The following F5 variants were observed in gnomAD, a reference collection of about 807,000 sequenced individuals.
The protein encoded by F5 is coagulation factor V.
A neutral mutation model predicts 216.4 loss-of-function variants in F5; 138 were observed. The observed-to-expected ratio is 0.64, with a 90% CI of 0.56 to 0.73. F5 has a LOEUF of 0.73. Among genes scored for constraint, F5 ranks in the 30% least tolerant of loss-of-function variants. The pLI is 0.00. For missense variants in F5, 2,403 were observed against 2,674.0 expected (o/e 0.90, Z 2.24); for synonymous variants, 916 against 930.7 (o/e 0.98, Z 0.29).
At position 169,556,596 on chromosome 1, in the gene F5, G is replaced by C; in HGVS notation, c.952+50C>G. ...GGAGAAAGAGGGAGTTAGTGCATGG[G>C]AAGAAAGGATTCTGCATTGAGAAGC... On this transcript the variant is annotated intron_variant, in intron 6 of 24. Transcript: ENST00000367797. 3 of 1,580,464 alleles carry C rather than the reference G, an allele frequency of 1.9e-6. No homozygotes were observed. The South Asian group carries it at 3.3e-5, about 18-fold the overall frequency.
intron 17 of F5, among the ~76,000 whole-genome samples, chr1:169,527,249 C>T (rs1227401881): frequency 6.6e-6 from 1 of 152,190 alleles, no homozygotes; most frequent in African/African-American, 2.4e-5. Flanking sequence ...TCTGCCTTCA[C>T]ATCTGCATTT....
At chr1:169,543,160 A>G (rs1250536523) in intron 12 of F5, 46 bp from the exon 13 acceptor site, 1 of 1,558,156 alleles carries the variant, frequency 6.4e-7, no homozygotes, top group South Asian at 1.1e-5. Flanking sequence ...AGTCTGGGAA[A>G]AGACATGAAA....
rs139307328 is a variant in F5 at position 169,540,581 on chromosome 1, T to A, written c.4509A>T (p.Leu1503=). The part of the protein sequence containing the change: ...PSSPTLNDTF[L]SKEFNPLVIV... ...TAACCAGTGGATTAAATTCCTTTGA[T>A]AGAAAAGTATCATTGAGAGTAGGAG... Residue 1503 remains leucine, a synonymous_variant, in exon 13 of 25, where the codon CTA becomes CTT. Coordinates refer to ENST00000367797, the MANE Select transcript of F5 (RefSeq NM_000130.5). The A allele has an allele frequency of 6.2e-7, 1 of 1,614,008 alleles. No homozygotes were observed. Among genetic ancestry groups the A allele is most frequent in the South Asian group, 1.1e-5 (1 of 91,074 alleles).
At chr1:169,516,713 A>C (rs890007469) in intron 23 of F5, among the ~76,000 whole-genome samples, 8 of 152,206 alleles carry the variant, frequency 5.3e-5, no homozygotes, top group Admixed American at 5.2e-4. Context: ...TTAGTTATGG[A>C]GAGAACAGCA....
rs768627413 is a variant in F5 at position 169,550,667 on chromosome 1, C to G, written c.1369G>C (p.Asp457His). 31 of 1,614,040 alleles carry G rather than the reference C, an allele frequency of 1.9e-5. No individual in the cohort carries two copies. The highest frequency in any genetic ancestry group is 2.5e-5 in the Non-Finnish European group (30 of 1,179,942). Residue 457 changes from aspartate to histidine, a missense_variant, in exon 9 of 25, where the codon GAT becomes CAT. Asp to His is a moderately conservative substitution (Grantham distance 81). Coordinates refer to ENST00000367797, the MANE Select transcript of F5 (RefSeq NM_000130.5). ...GAGGTGAAAGAAGAGTTGACTTCAT[C>G]TTCATAAGGCGAGAAGGTCACTCCA... ...PHGVTFSPYE[D>H]EVNSSFTSGR...
At chr1:169,583,287 G>T (rs1661028276) in intron 1 of F5, among the ~76,000 whole-genome samples, 1 of 152,216 alleles carries the variant, frequency 6.6e-6, no homozygotes, top group Non-Finnish European at 1.5e-5. Flanking sequence ...AAAGGAAAGA[G>T]AATTTGGAGA....
chr1:169,561,208 A>G (rs766121783), intron 3 of F5, among the ~76,000 whole-genome samples: 1 of 151,986 alleles, frequency 6.6e-6, no homozygotes, highest in African/African-American at 2.4e-5. Context: ...GCTATTTCAG[A>G]TCTTCTTTCC....
At chr1:169,539,355 T>C (rs1354949386) in intron 13 of F5, among the ~76,000 whole-genome samples, 1 of 152,176 alleles carries the variant, frequency 6.6e-6, no homozygotes, top group Non-Finnish European at 1.5e-5. Context: ...AAAAGTGGGT[T>C]GTGAGCCTTG....
chr1:169,573,711 C>A (rs9332686), intron 2 of F5, among the ~76,000 whole-genome samples: 134 of 152,266 alleles, frequency 8.8e-4, no homozygotes, highest in Middle Eastern at 6.8e-3. Context: ...AAGTTTCTGG[C>A]TACCTGGATC....
At chr1:169,551,285 C>CA (rs772977502) in intron 8 of F5, among the ~76,000 whole-genome samples, 4 of 152,070 alleles carry the variant, frequency 2.6e-5, no homozygotes, top group East Asian at 1.9e-4. Context: ...CTCATCTCTA[C>CA]AAAAAAATAC....
At chr1:169,556,622 A>T in intron 6 of F5, 24 bp downstream of exon 6, 1 of 1,611,260 alleles carries the variant, frequency 6.2e-7, no homozygotes, top group Non-Finnish European at 8.5e-7. Context: ...ATTGAGAAGC[A>T]AGACTGTCAG....
At chr1:169,568,995 C>A (rs185354181) in intron 3 of F5, among the ~76,000 whole-genome samples, 2 of 151,986 alleles carry the variant, frequency 1.3e-5, no homozygotes, top group African/African-American at 4.8e-5. Context: ...AGGCAATGGG[C>A]GAATCAATGC....
In F5 at chr1:169,586,242, G is replaced by T; in HGVS notation, c.145C>A (p.Pro49Thr). The T allele has an allele frequency of 6.2e-7, 1 of 1,614,126 alleles. No homozygotes were observed. The highest frequency in any genetic ancestry group is 8.5e-7 in the Non-Finnish European group (1 of 1,180,044). Reference sequence around the variant, plus strand: ...CACCTGAGTTACCTTGAGTTTGTGGGCTCAGGTCGGTAGCTCCAACTGATG... The same window carrying T: ...CACCTGAGTTACCTTGAGTTTGTGGTCTCAGGTCGGTAGCTCCAACTGATG... ...QGISWSYRPE[P>T]TNSSLNLSVT... Residue 49 changes from proline to threonine, a missense_variant, in exon 1 of 25, where the codon CCC becomes ACC. Physicochemically the swap from Pro to Thr is conservative, Grantham distance 38. This residue lies in a region of F5 where 1,425 missense variants were observed against 1,554.8 expected (regional missense o/e 0.92). Transcript: ENST00000367797.
At chr1:169,564,388 A>G (rs1660552212) in intron 3 of F5, among the ~76,000 whole-genome samples, 1 of 151,866 alleles carries the variant, frequency 6.6e-6, no homozygotes, top group Admixed American at 6.6e-5. Context: ...CCGAAGTCCA[A>G]ACTCTATTTC....
At chr1:169,570,797 A>C (rs984478539) in intron 3 of F5, among the ~76,000 whole-genome samples, 1 of 152,194 alleles carries the variant, frequency 6.6e-6, no homozygotes, top group Non-Finnish European at 1.5e-5. Flanking sequence ...TATCATGGCT[A>C]ATATTTATTA....
intron 3 of F5, among the ~76,000 whole-genome samples, chr1:169,565,195 A>C (rs989178644): frequency 6.6e-6 from 1 of 151,946 alleles, no homozygotes; most frequent in African/African-American, 2.4e-5. Context: ...GTTCACTTCT[A>C]CCTTTATCTC....
At position 169,512,061 on chromosome 1, in the gene F5, G is replaced by C. The variant is rs1466954698; in HGVS notation, c.*2252C>G. 6.6e-6 allele frequency among the ~76,000 whole-genome samples: 1 copy of C among 151,980 alleles called. No homozygotes were observed. Among genetic ancestry groups the C allele is most frequent in the Non-Finnish European group, 1.5e-5 (1 of 67,974 alleles). On this transcript the variant is annotated 3_prime_UTR_variant, in exon 25 of 25. Coordinates refer to ENST00000367797, the MANE Select transcript of F5 (RefSeq NM_000130.5). ...TTGATCCCCAAACAAGTATTTTCCA[G>C]ATCAATTAATAGTCATTATCAATTA...
rs113768654 is a variant in F5, at chr1:169,540,744, G to A, written c.4346C>T (p.Pro1449Leu). The change falls in exon 13 of 25, where the codon CCG becomes CTG. Residue 1449 changes from proline to leucine, a missense_variant. Around this residue, in one of 4 missense-constraint regions of F5, gnomAD observed 293 missense variants for 270.8 expected, o/e 1.08. Transcript: ENST00000367797. ...SPDISDTTLLPDLSQISPPPD... is the reference protein window; with the variant it reads ...SPDISDTTLLLDLSQISPPPD... ...AGGAGGTGATATCTGGCTGAGATCC[G>A]GGAGAAGGGTGGTGTCACTGATGTC... The A allele has an allele frequency of 6.5e-5, 105 of 1,613,986 alleles. No individual in the cohort carries two copies. The highest frequency in any genetic ancestry group is 4.9e-4 in the African/African-American group (37 of 75,020).
chr1:169,563,604 A>G (rs1436634976), intron 3 of F5, among the ~76,000 whole-genome samples: 1 of 151,992 alleles, frequency 6.6e-6, no homozygotes. Flanking sequence ...TATTAATTTC[A>G]TCCAGTGTTT....
Sources: allele counts gnomAD v4.1 joint callset (sites outside exome capture counted in the v4.1 genomes callset), GRCh38; gene constraint gnomAD v4.1.1; regional missense constraint gnomAD v4.1.1; transcripts MANE v1.5; gene names NCBI Gene and HGNC (gene_info 2026-07-23, HGNC 2026-07-21).